FAM168A: variants seen among roughly 807,000 people sequenced by gnomAD.
The protein encoded by FAM168A is protein FAM168A.
A neutral mutation model predicts 28.5 loss-of-function variants in FAM168A; 3 were observed. The observed-to-expected ratio is 0.11, with a 90% CI of 0.05 to 0.27. The LOEUF (loss-of-function observed/expected upper bound fraction) is 0.27, where lower values mean the gene tolerates loss of function less well. FAM168A is among the 10% of genes least tolerant of loss of function. The pLI, the probability that FAM168A is intolerant of heterozygous loss-of-function variation, is 1.00. For missense variants in FAM168A, 222 were observed against 311.5 expected, an observed-to-expected ratio of 0.71 and a Z score of 2.16; for synonymous variants, 122 against 124.2, an observed-to-expected ratio of 0.98 and a Z score of 0.12.
intron 1 of FAM168A, among the ~76,000 whole-genome samples, chr11:73,503,253 C>T (rs1389907509): frequency 2.0e-5 from 3 of 152,138 alleles, no homozygotes; most frequent in Admixed American, 1.3e-4. Flanking sequence ...TAGAAAACCC[C>T]ATCATCTCAG....
chr11:73,570,371 A>G (rs1944071802), intron 1 of FAM168A, among the ~76,000 whole-genome samples: 1 of 152,212 alleles, frequency 6.6e-6, no homozygotes, highest in Admixed American at 6.5e-5. Flanking sequence ...TCCTAAATAA[A>G]GTGAGTACAA....
chr11:73,569,853 T>A (rs963529545), intron 1 of FAM168A, among the ~76,000 whole-genome samples: 1 of 149,274 alleles, frequency 6.7e-6, no homozygotes, highest in African/African-American at 2.5e-5. Context: ...AATAAATAAA[T>A]AAATAAACAA....
At chr11:73,490,365 A>C (rs964903410) in intron 1 of FAM168A, among the ~76,000 whole-genome samples, 1 of 152,218 alleles carries the variant, frequency 6.6e-6, no homozygotes. Flanking sequence ...CTCTGAAAAC[A>C]TAAGTTAAAT....
At chr11:73,536,521 C>G (rs1943584207) in intron 1 of FAM168A, among the ~76,000 whole-genome samples, 1 of 152,092 alleles carries the variant, frequency 6.6e-6, no homozygotes, top group African/African-American at 2.4e-5. Flanking sequence ...AACCCCATCT[C>G]TACTAAAAAT....
chr11:73,527,768 A>C (rs1339649693), intron 1 of FAM168A, among the ~76,000 whole-genome samples: 1 of 152,130 alleles, frequency 6.6e-6, no homozygotes, highest in African/African-American at 2.4e-5. Context: ...TTCTATGCTA[A>C]ATGACAAAAC....
chr11:73,438,582 G>A (rs1867135564), intron 2 of FAM168A, among the ~76,000 whole-genome samples: 1 of 152,150 alleles, frequency 6.6e-6, no homozygotes, highest in African/African-American at 2.4e-5. Context: ...GCTGTGAAGG[G>A]ATTTGAATGC....
chr11:73,508,877 A>C (rs1357572721), intron 1 of FAM168A, among the ~76,000 whole-genome samples: 2 of 152,236 alleles, frequency 1.3e-5, no homozygotes, highest in East Asian at 3.8e-4. Flanking sequence ...ATGTTGAATA[A>C]GCCAGTATGT....
intron 1 of FAM168A, among the ~76,000 whole-genome samples, chr11:73,476,230 TG>T (rs1867886327): frequency 6.6e-6 from 1 of 152,190 alleles, no homozygotes; most frequent in Non-Finnish European, 1.5e-5. Context: ...GAAGCCTTCC[TG>T]GCCTGCGTTT....
At chr11:73,569,052 A>G (rs1944055969) in intron 1 of FAM168A, among the ~76,000 whole-genome samples, 1 of 152,206 alleles carries the variant, frequency 6.6e-6, no homozygotes, top group African/African-American at 2.4e-5. Flanking sequence ...AAAATGCTTA[A>G]GTGTAATCCC....
chr11:73,580,422 GA>G, intron 1 of FAM168A: 1 of 620,666 alleles, frequency 1.6e-6, no homozygotes. Flanking sequence ...GGGAAAAAGG[GA>G]AAAGCTGAGG....
intron 1 of FAM168A, among the ~76,000 whole-genome samples, chr11:73,589,445 G>C (rs1454679097): frequency 6.8e-6 from 1 of 146,928 alleles, no homozygotes; most frequent in Non-Finnish European, 1.5e-5. Context: ...AAGAAAAATT[G>C]ACTTGGGCTT....
intron 1 of FAM168A, among the ~76,000 whole-genome samples, chr11:73,473,613 A>G (rs1053104278): frequency 6.6e-5 from 10 of 152,142 alleles, no homozygotes; most frequent in South Asian, 4.1e-4. Flanking sequence ...TGAAGACACC[A>G]TGCATGCTTG....
intron 1 of FAM168A, among the ~76,000 whole-genome samples, chr11:73,515,227 C>A (rs565516504): frequency 6.6e-6 from 1 of 151,996 alleles, no homozygotes; most frequent in Non-Finnish European, 1.5e-5. Flanking sequence ...ACCAATGAAA[C>A]GGCCAGGCAC....
At chr11:73,520,330 G>A (rs1217185379) in intron 1 of FAM168A, among the ~76,000 whole-genome samples, 1 of 152,082 alleles carries the variant, frequency 6.6e-6, no homozygotes, top group Non-Finnish European at 1.5e-5. Flanking sequence ...TTACAGGCGT[G>A]AGCCACCGCG....
At chr11:73,476,201 G>C (rs1433296923) in intron 1 of FAM168A, among the ~76,000 whole-genome samples, 2 of 152,114 alleles carry the variant, frequency 1.3e-5, no homozygotes, top group East Asian at 3.8e-4. Flanking sequence ...ACCACATACA[G>C]ATCCACTGGT....
intron 4 of FAM168A, among the ~76,000 whole-genome samples, chr11:73,412,807 G>A (rs1455053023): frequency 2.0e-5 from 3 of 152,042 alleles, no homozygotes; most frequent in Non-Finnish European, 4.4e-5. Context: ...AACCTCTCTG[G>A]GCTTCAGCTC....
In FAM168A at chr11:73,536,963, T is replaced by C. The variant is rs374770253; in HGVS notation, c.-19+60960A>G. Among the ~76,000 whole-genome samples, 3 of 152,304 alleles carry C rather than the reference T, an allele frequency of 2.0e-5. No homozygotes were observed. In the South Asian group the frequency reaches 6.2e-4, roughly 32 times the overall value. ...GATGCATCACTGTGTTTACTAATCA[T>C]TGATGCTACAACATGTAGTTAGATT... On this transcript the variant is annotated intron_variant, in intron 1 of 7. Transcript: ENST00000356467.
chr11:73,418,119 AC>A (rs1284332924), intron 4 of FAM168A, among the ~76,000 whole-genome samples: 3 of 152,212 alleles, frequency 2.0e-5, no homozygotes, highest in African/African-American at 7.2e-5. Context: ...ATAAACATAA[AC>A]TGATGTTGAC....
intron 1 of FAM168A, among the ~76,000 whole-genome samples, chr11:73,505,156 G>A (rs548166734): frequency 6.6e-6 from 1 of 150,584 alleles, no homozygotes; most frequent in East Asian, 1.9e-4. Flanking sequence ...GAAATATTAT[G>A]CATACACATA....
Sources: gnomAD v4.1 joint callset for allele counts (sites outside exome capture counted in the v4.1 genomes callset) on GRCh38, gnomAD v4.1.1 for gene constraint, MANE v1.5 for transcripts, NCBI Gene and HGNC (gene_info 2026-07-23, HGNC 2026-07-21) for gene names.